Variants in DNTT observed in about 807,000 individuals in gnomAD.
DNTT encodes the protein nucleosidetriphosphate:DNA deoxynucleotidylexotransferase.
Under a neutral mutation model 60.9 loss-of-function variants are expected in DNTT, and 47 were observed. The ratio of observed to expected loss-of-function variants is 0.77; its 90% CI spans 0.61 to 0.98. The LOEUF is 0.98. DNTT is among the 50% of genes least tolerant of loss of function. The pLI is 0.00. For missense variants in DNTT, 665 were observed against 627.5 expected (o/e 1.06, Z -0.64); for synonymous variants, 224 against 221.2 (o/e 1.01, Z -0.11).
At chr10:96,321,782 G>T (rs530615667) in intron 4 of DNTT, among the ~76,000 whole-genome samples, 3 of 152,022 alleles carry the variant, frequency 2.0e-5, no homozygotes, top group East Asian at 1.9e-4. Flanking sequence ...TGGTTTGGAG[G>T]GGGGAGCCCT....
chr10:96,319,498 C>G, intron 3 of DNTT, 108 bp downstream of exon 3: 3 of 1,495,344 alleles, frequency 2.0e-6, no homozygotes, highest in Admixed American at 3.7e-5. Flanking sequence ...GAAAGTTTTC[C>G]TCCCACCTAC....
chr10:96,330,612 G>T (rs1183613362), intron 8 of DNTT, among the ~76,000 whole-genome samples: 1 of 152,186 alleles, frequency 6.6e-6, no homozygotes, highest in African/African-American at 2.4e-5. Context: ...AGGGTGAAGA[G>T]TTCCCTCTAT....
intron 1 of DNTT, among the ~76,000 whole-genome samples, chr10:96,307,350 T>G (rs1445846844): frequency 1.2e-4 from 3 of 25,532 alleles, no homozygotes; most frequent in Admixed American, 4.2e-4. Flanking sequence ...CCAGTTTTTT[T>G]TTTTTTTTTT....
rs756430322 is a variant in DNTT at position 96,322,699 on chromosome 10, T to C, written c.721T>C (p.Leu241=). The change falls in exon 5 of 11, where the codon TTA becomes CTA. Residue 241 remains leucine, a synonymous_variant. Transcript: ENST00000371174. The part of the protein sequence containing the change: ...DGESSEVKAV[L]NDERYQSFKL... Reference sequence around the variant, plus strand: ...AGAAAGTTCTGAAGTTAAAGCTGTGTTAAATGATGAACGATATCAATCCTT... The same window carrying C: ...AGAAAGTTCTGAAGTTAAAGCTGTGCTAAATGATGAACGATATCAATCCTT... The C allele has an allele frequency of 6.2e-7, 1 of 1,601,826 alleles. No homozygotes were observed. The highest frequency in any genetic ancestry group is 1.1e-5 in the South Asian group (1 of 89,604).
At chr10:96,332,173 A>C (rs1309481516) in intron 8 of DNTT, among the ~76,000 whole-genome samples, 178 bp from the exon 9 acceptor site, 2 of 152,240 alleles carry the variant, frequency 1.3e-5, no homozygotes, top group Non-Finnish European at 2.9e-5. Flanking sequence ...TAAAGGGAAG[A>C]TAATGCAACC....
At chr10:96,321,277 G>A (rs1424706690) in intron 4 of DNTT, among the ~76,000 whole-genome samples, 1 of 152,132 alleles carries the variant, frequency 6.6e-6, no homozygotes, top group Non-Finnish European at 1.5e-5. Context: ...CAACTTGGAG[G>A]ACAAGTGCAG....
At chr10:96,325,665 G>T (rs1195661248) in intron 6 of DNTT, among the ~76,000 whole-genome samples, 1 of 152,188 alleles carries the variant, frequency 6.6e-6, no homozygotes, top group Non-Finnish European at 1.5e-5. Flanking sequence ...CCATCTAACT[G>T]TTTAATGCTA....
rs746086213 is a variant in DNTT at position 96,327,645 on chromosome 10, G to C, written c.1007+45G>C. ...TTGCCTCCTCTGCCCGAATACTTCA[G>C]TGGCTCCCTGACTTGGACAGGCATC... is the stretch of plus-strand genomic sequence containing the variant. On this transcript the variant is annotated intron_variant, in intron 7 of 10. Transcript: ENST00000371174. 1.8e-5 allele frequency: 29 copies of C among 1,579,704 alleles called. No individual in the cohort carries two copies. In the South Asian group the frequency reaches 3.3e-4, roughly 18 times the overall value.
In DNTT at chr10:96,327,610, T is replaced by C; in HGVS notation, c.1007+10T>C. ...CAGGAGGGTTCCGGAGGTAAATAAC[T>C]TGGGTGGCTTTGCCTCCTCTGCCCG... is the stretch of plus-strand genomic sequence containing the variant. On this transcript the variant is annotated intron_variant, in intron 7 of 10. Coordinates refer to ENST00000371174, the MANE Select transcript of DNTT (RefSeq NM_004088.4). The C allele has an allele frequency of 6.2e-7, 1 of 1,608,286 alleles. No homozygotes were observed. The highest frequency in any genetic ancestry group is 1.1e-5 in the South Asian group (1 of 90,016).
intron 9 of DNTT, among the ~76,000 whole-genome samples, chr10:96,334,104 AT>A (rs1845039369): frequency 6.6e-6 from 1 of 152,204 alleles, no homozygotes; most frequent in South Asian, 2.1e-4. Context: ...TACAATTATT[AT>A]ATGTTAATTA....
chr10:96,328,686 T>A (rs1455143839), intron 7 of DNTT, 39 bp from the exon 8 acceptor site: 2 of 1,586,540 alleles, frequency 1.3e-6, no homozygotes, highest in African/African-American at 1.4e-5. Flanking sequence ...AAGACTAATA[T>A]CTAATTGATT....
chr10:96,334,196 G>T (rs1845040806), intron 9 of DNTT, among the ~76,000 whole-genome samples: 1 of 152,188 alleles, frequency 6.6e-6, no homozygotes, highest in African/African-American at 2.4e-5. Flanking sequence ...CTCCTGCACT[G>T]CTTCTTACTG....
In DNTT at chr10:96,322,736, AT is replaced by A; in HGVS notation, c.750+12del. ...CGATATCAATCCTTCAAAGTAAGTGATTTTACATATATTTATTGAAAATTGT... is the reference window on the plus strand; with the variant it reads ...CGATATCAATCCTTCAAAGTAAGTGATTTACATATATTTATTGAAAATTGT... On this transcript the variant is annotated intron_variant, in intron 5 of 10. Coordinates refer to ENST00000371174, the MANE Select transcript of DNTT (RefSeq NM_004088.4). 2 of 1,583,136 alleles carry A rather than the reference AT, an allele frequency of 1.3e-6. No individual in the cohort carries two copies. The highest frequency in any genetic ancestry group is 1.7e-6 in the Non-Finnish European group (2 of 1,159,492).
At chr10:96,330,291 A>C (rs1844990864) in intron 8 of DNTT, among the ~76,000 whole-genome samples, 1 of 147,544 alleles carries the variant, frequency 6.8e-6, no homozygotes, top group African/African-American at 2.5e-5. Context: ...GTGACAGTTT[A>C]CTGTTAGGAA....
intron 3 of DNTT, 120 bp downstream of exon 3, chr10:96,319,510 T>C: frequency 1.4e-6 from 2 of 1,408,826 alleles, no homozygotes; most frequent in Non-Finnish European, 1.9e-6. Flanking sequence ...CCCACCTACC[T>C]GCAGCCCTAG....
intron 8 of DNTT, among the ~76,000 whole-genome samples, chr10:96,330,725 C>T (rs374730631): frequency 1.4e-4 from 22 of 152,022 alleles, no homozygotes; most frequent in African/African-American, 5.3e-4. Flanking sequence ...ATCAATTTAC[C>T]AATGATGCTC....
chr10:96,327,123 C>G lies in DNTT; in HGVS notation c.875-345C>G, dbSNP rs12253096. Reference sequence around the variant, plus strand: ...AATCTCCTCATCCCAAATCTTTATGCGTTACCTTTTAAAAAACAGTAGGAC... The same window carrying G: ...AATCTCCTCATCCCAAATCTTTATGGGTTACCTTTTAAAAAACAGTAGGAC... On this transcript the variant is annotated intron_variant, in intron 6 of 10. Transcript: ENST00000371174. 6.6e-3 allele frequency among the ~76,000 whole-genome samples: 1,011 copies of G among 152,274 alleles called. 7 individuals are homozygous for G. The highest frequency in any genetic ancestry group is 0.022 in the African/African-American group (921 of 41,548).
At chr10:96,314,801 G>A (rs1844768991) in intron 1 of DNTT, among the ~76,000 whole-genome samples, 2 of 152,130 alleles carry the variant, frequency 1.3e-5, no homozygotes, top group South Asian at 4.2e-4. Flanking sequence ...GTGCCTACCA[G>A]AGTGTCTAGC....
chr10:96,307,014 C>G (rs1482601688), intron 1 of DNTT, among the ~76,000 whole-genome samples: 1 of 152,168 alleles, frequency 6.6e-6, no homozygotes, highest in Non-Finnish European at 1.5e-5. Context: ...GACAAGGTCC[C>G]CTCTCTCCCG....
Sources: allele counts gnomAD v4.1 joint callset (sites outside exome capture counted in the v4.1 genomes callset), GRCh38; gene constraint gnomAD v4.1.1; transcripts MANE v1.5; gene names NCBI Gene and HGNC (gene_info 2026-07-23, HGNC 2026-07-21).